Variants in COMT observed in about 807,000 individuals in gnomAD.
COMT encodes the protein catechol O-methyltransferase.
In COMT, 13 loss-of-function variants were observed where a neutral mutation model predicts 18.9. The ratio of observed to expected loss-of-function variants is 0.69; its 90% CI spans 0.45 to 1.09. COMT has a LOEUF of 1.09. COMT is among the 50% of genes least tolerant of loss of function. The pLI is 0.00. For missense variants in COMT, 329 were observed against 361.8 expected (o/e 0.91, Z 0.73); for synonymous variants, 150 against 160.9 (o/e 0.93, Z 0.51).
In COMT at chr22:19,968,810, C is replaced by A; in HGVS notation, c.*74C>A. 1.4e-6 allele frequency: 2 copies of A among 1,418,594 alleles called. No homozygotes were observed. The highest frequency in any genetic ancestry group is 1.9e-6 in the Non-Finnish European group (2 of 1,028,866). The allele number at this position is 1,418,594 out of a possible 1,614,324, so 87.9% of individuals were successfully genotyped here. A position where few individuals can be genotyped will look rare whatever the true frequency, so the allele number is the denominator to read the frequency against. ...AAGGTGCCAGACGTGCTCCTGCTGACCTTCTGCGGCTCCGGGCTGTGTCCT... is the reference window on the plus strand; with the variant it reads ...AAGGTGCCAGACGTGCTCCTGCTGAACTTCTGCGGCTCCGGGCTGTGTCCT... On this transcript the variant is annotated 3_prime_UTR_variant, in exon 6 of 6. Coordinates refer to ENST00000361682, the MANE Select transcript of COMT (RefSeq NM_000754.4).
At chr22:19,961,173 T>G (rs1601525072) in intron 1 of COMT, 26 bp from the exon 2 acceptor site, 1 of 152,292 alleles carries the variant, frequency 6.6e-6, no homozygotes, top group Admixed American at 6.5e-5. Context: ...TTGATGATTA[T>G]CCAAAGGCAA....
At chr22:19,966,359 T>C (rs1109436) in intron 5 of COMT, among the ~76,000 whole-genome samples, 18,077 of 150,758 alleles carry the variant, frequency 0.12, 1,410 homozygotes, top group Middle Eastern at 0.21. Flanking sequence ...AGGGCTGCTT[T>C]GAGGAGGCCT....
At chr22:19,965,501 C>G (rs1942341405) in intron 5 of COMT, 1 of 152,138 alleles carries the variant, frequency 6.6e-6, no homozygotes, top group Admixed American at 6.6e-5. Flanking sequence ...GCTGCCACAC[C>G]CGGCTAGTTT....
chr22:19,957,869 G>A (rs1942099016), intron 1 of COMT, among the ~76,000 whole-genome samples: 1 of 152,212 alleles, frequency 6.6e-6, no homozygotes, highest in Admixed American at 6.5e-5. Context: ...GAATTCATCT[G>A]TACTTTATTC....
chr22:19,966,385 G>A (rs1942392202), intron 5 of COMT, among the ~76,000 whole-genome samples: 1 of 150,072 alleles, frequency 6.7e-6, no homozygotes, highest in African/African-American at 2.5e-5. Context: ...CCGGGCTGCT[G>A]TAGTCACCAA....
In COMT at chr22:19,964,097, C is replaced by T. The variant is rs769710063; in HGVS notation, c.484-71C>T. ...CTGTGTGGGCGTGGGCACTGACAGG[C>T]GCTGTTGTATAGGTGTGTAGGGATG... is the stretch of plus-strand genomic sequence containing the variant. On this transcript the variant is annotated intron_variant, in intron 4 of 5. Coordinates refer to ENST00000361682, the MANE Select transcript of COMT (RefSeq NM_000754.4). 89 of 1,612,866 alleles carry T rather than the reference C, an allele frequency of 5.5e-5. No individual in the cohort carries two copies. The South Asian group carries it at 6.4e-4, about 12-fold the overall frequency.
chr22:19,946,992 T>G (rs1235312665), intron 1 of COMT, among the ~76,000 whole-genome samples: 1 of 145,776 alleles, frequency 6.9e-6, no homozygotes, highest in Non-Finnish European at 1.5e-5. Flanking sequence ...CTCGGCTCAC[T>G]GCAACCTCCG....
chr22:19,958,660 A>G (rs1942119570), intron 1 of COMT, among the ~76,000 whole-genome samples: 1 of 140,732 alleles, frequency 7.1e-6, no homozygotes, highest in African/African-American at 2.7e-5. Context: ...GGGGTGGAGC[A>G]CTTGAGCTCA....
chr22:19,948,692 C>T (rs1420161408), intron 1 of COMT, among the ~76,000 whole-genome samples: 3 of 151,978 alleles, frequency 2.0e-5, no homozygotes, highest in Admixed American at 6.6e-5. Context: ...CAGCGGCTCA[C>T]GCCTATAATC....
chr22:19,962,885 G>A, intron 3 of COMT, 70 bp downstream of exon 3: 1 of 1,537,126 alleles, frequency 6.5e-7, no homozygotes. Context: ...AGCCCTTACA[G>A]GAGAAGCTGT....
chr22:19,969,052 A>G lies in COMT; in HGVS notation c.*316A>G. The G allele has an allele frequency of 3.9e-6, 1 of 256,718 alleles. No individual in the cohort carries two copies. The highest frequency in any genetic ancestry group is 4.2e-5 in the South Asian group (1 of 23,938). 15.9% of individuals were successfully genotyped at this position (256,718 alleles called of 1,614,324 possible). On this transcript the variant is annotated 3_prime_UTR_variant, in exon 6 of 6. Coordinates refer to ENST00000361682, the MANE Select transcript of COMT (RefSeq NM_000754.4). ...TAACTCGACTTAGTACATCCTTCTCAACTGCCATTCCCCTGCTGCCCTTGA... is the reference window on the plus strand; with the variant it reads ...TAACTCGACTTAGTACATCCTTCTCGACTGCCATTCCCCTGCTGCCCTTGA...
chr22:19,966,206 A>G (rs1942379951), intron 5 of COMT, among the ~76,000 whole-genome samples: 1 of 152,188 alleles, frequency 6.6e-6, no homozygotes, highest in South Asian at 2.1e-4. Context: ...CTGCACACTC[A>G]GGGCTGGGGC....
intron 5 of COMT, chr22:19,965,426 C>G (rs1162127211): frequency 6.6e-6 from 1 of 152,222 alleles, no homozygotes; most frequent in Non-Finnish European, 1.5e-5. Flanking sequence ...ACTGCAACCT[C>G]CACCTCTTGG....
intron 1 of COMT, 85 bp downstream of exon 1, chr22:19,941,982 GTGTGGGGAATTCGGACCGC>G (rs1941741409): frequency 1.9e-6 from 1 of 540,206 alleles, no homozygotes; most frequent in Non-Finnish European, 3.0e-6. Context: ...CTGGGATAGG[GTGTGGGGAATTCGGACCGC>G]TGTGAAGTGA....
chr22:19,965,619 C>T (rs1014627705), intron 5 of COMT: 2 of 152,252 alleles, frequency 1.3e-5, no homozygotes, highest in Non-Finnish European at 2.9e-5. Context: ...GGATTACAGG[C>T]GTGAGCCACT....
intron 1 of COMT, among the ~76,000 whole-genome samples, chr22:19,952,956 ATAAATAAATAAATAAATAAAT>A (rs1941978665): frequency 1.1e-3 from 1 of 910 alleles, no homozygotes; most frequent in African/African-American, 0.013. Context: ...GTCTCAAAAA[ATAAATAAATAAATAAATAAAT>A]AAATAAATAA....
At chr22:19,945,832 A>AT (rs1384286676) in intron 1 of COMT, among the ~76,000 whole-genome samples, 1 of 151,996 alleles carries the variant, frequency 6.6e-6, no homozygotes, top group East Asian at 1.9e-4. Context: ...CGCCCGGCTA[A>AT]TTTTTTGTGT....
intron 1 of COMT, among the ~76,000 whole-genome samples, chr22:19,952,621 A>C (rs1338824390): frequency 6.6e-6 from 1 of 150,856 alleles, no homozygotes. Flanking sequence ...CCTGGGAGAC[A>C]GAGCAAGACT....
At chr22:19,952,564 G>C (rs1160504417) in intron 1 of COMT, among the ~76,000 whole-genome samples, 1 of 151,088 alleles carries the variant, frequency 6.6e-6, no homozygotes, top group Non-Finnish European at 1.5e-5. Context: ...CCATGAACCC[G>C]GGGGATGGAG....
Sources: allele counts gnomAD v4.1 joint callset (sites outside exome capture counted in the v4.1 genomes callset), GRCh38; gene constraint gnomAD v4.1.1; transcripts MANE v1.5; gene names NCBI Gene and HGNC (gene_info 2026-07-23, HGNC 2026-07-21).